The following KANSL1 variants were observed in gnomAD, a reference collection of about 807,000 sequenced individuals.
KANSL1 encodes KAT8 regulatory NSL complex subunit 1.
KANSL1 carries 22 observed loss-of-function variants against 103.6 expected under a neutral mutation model. The observed-to-expected ratio is 0.21, with a 90% CI of 0.15 to 0.30. KANSL1 has a LOEUF of 0.30. KANSL1 is among the 10% of genes least tolerant of loss of function. The probability of loss-of-function intolerance (pLI) is 1.00; values close to 1 mark genes in which losing one functional copy is unlikely to be tolerated. For missense variants in KANSL1, 1,337 were observed against 1,399.8 expected, an observed-to-expected ratio of 0.96 and a Z score of 0.72; for synonymous variants, 600 against 527.6, an observed-to-expected ratio of 1.14 and a Z score of -1.88.
chr17:46,181,792 C>T (rs1030466169), intron 1 of KANSL1, among the ~76,000 whole-genome samples: 2 of 152,182 alleles, frequency 1.3e-5, no homozygotes, highest in Non-Finnish European at 2.9e-5. Context: ...AGGGCAAGCA[C>T]ATCAATTGAT....
chr17:46,135,695 CTTTTTTT>C (rs35094789), intron 2 of KANSL1, among the ~76,000 whole-genome samples: 28 of 84,424 alleles, frequency 3.3e-4, no homozygotes, highest in South Asian at 7.3e-4. Context: ...CCATGCCTGG[CTTTTTTT>C]TTTTTTTTTT....
intron 4 of KANSL1, among the ~76,000 whole-genome samples, chr17:46,068,982 G>C (rs1380296551): frequency 6.6e-6 from 1 of 152,144 alleles, no homozygotes; most frequent in Non-Finnish European, 1.5e-5. Context: ...CTGGAGTGCA[G>C]TGGCATGATA....
At chr17:46,162,596 A>C (rs2045799103) in intron 2 of KANSL1, among the ~76,000 whole-genome samples, 2 of 152,326 alleles carry the variant, frequency 1.3e-5, no homozygotes, top group Admixed American at 1.3e-4. Context: ...AATCAGCCAC[A>C]AGCCCTCATC....
At chr17:46,208,334 G>T (rs2048040697) in intron 1 of KANSL1, among the ~76,000 whole-genome samples, 1 of 151,710 alleles carries the variant, frequency 6.6e-6, no homozygotes, top group African/African-American at 2.4e-5. Flanking sequence ...CCAAGGGGCT[G>T]GGCACAGTGG....
At chr17:46,215,251 T>C (rs1171040550) in intron 1 of KANSL1, 1 of 152,532 alleles carries the variant, frequency 6.6e-6, no homozygotes, top group Non-Finnish European at 1.5e-5. Context: ...ACTGCTTGTG[T>C]GAAGACCCAG....
chr17:46,051,272 ACT>A (rs796339719), intron 6 of KANSL1, among the ~76,000 whole-genome samples: 4 of 152,260 alleles, frequency 2.6e-5, no homozygotes, highest in African/African-American at 9.6e-5. Context: ...CTTATTAACT[ACT>A]CTTTAACCTG....
At chr17:46,133,825 A>G (rs1363223530) in intron 2 of KANSL1, among the ~76,000 whole-genome samples, 1 of 152,266 alleles carries the variant, frequency 6.6e-6, no homozygotes, top group Non-Finnish European at 1.5e-5. Flanking sequence ...AATATAAAAT[A>G]ACAGATTTTG....
intron 2 of KANSL1, among the ~76,000 whole-genome samples, chr17:46,114,037 T>G (rs1202018650): frequency 6.6e-6 from 1 of 152,162 alleles, no homozygotes; most frequent in Non-Finnish European, 1.5e-5. Flanking sequence ...CAAGTCAGAC[T>G]GTCAAACCGT....
At chr17:46,225,038 C>T (rs952002603), upstream of KANSL1, 4 of 151,588 alleles carry the variant, frequency 2.6e-5, no homozygotes, top group Non-Finnish European at 4.4e-5. Flanking sequence ...CGGCCCGCCC[C>T]CCGGGCAGCC....
upstream of KANSL1, chr17:46,224,951 T>G (rs946342031): frequency 2.9e-4 from 44 of 151,570 alleles, no homozygotes; most frequent in Admixed American, 1.6e-3. Context: ...CGGCTTCCCT[T>G]CCTCTCCGCG....
At chr17:46,101,754 C>CAAAAAAAAA (rs372439614) in intron 2 of KANSL1, among the ~76,000 whole-genome samples, 18 of 93,652 alleles carry the variant, frequency 1.9e-4, no homozygotes, top group East Asian at 4.6e-4. Context: ...ACTCTGTCTA[C>CAAAAAAAAA]AAAAAAAAAA....
intron 2 of KANSL1, among the ~76,000 whole-genome samples, chr17:46,147,940 A>G (rs2044822589): frequency 6.6e-6 from 1 of 152,248 alleles, no homozygotes; most frequent in African/African-American, 2.4e-5. Flanking sequence ...TAGGGTAGAA[A>G]TAACCTTGAC....
In KANSL1 at chr17:46,033,172, T is replaced by C. The variant is rs1352641232; in HGVS notation, c.2745A>G (p.Ala915=). Residue 915 remains alanine (A), a synonymous_variant, in exon 13 of 15, where the codon GCA becomes GCG. Coordinates refer to ENST00000432791, the MANE Select transcript of KANSL1 (RefSeq NM_015443.4). ...ENEEIEDLSD[A]AFAALHAKCE... is the part of the protein sequence containing the mutation. ...ATTTGGCATGCAGGGCGGCGAAGGC[T>C]GCGTCGGATAGGTCCTCAATCTGCA... The C allele has an allele frequency of 3.1e-6, 5 of 1,602,874 alleles. No individual in the cohort carries two copies. Among genetic ancestry groups the C allele is most frequent in the Non-Finnish European group, 3.4e-6 (4 of 1,174,036 alleles).
At chr17:46,040,125 T>TTTGG in intron 7 of KANSL1, 1 of 435,340 alleles carries the variant, frequency 2.3e-6, no homozygotes, top group Non-Finnish European at 4.0e-6. Context: ...ACCTTTTTGG[T>TTTGG]TTGGTTGATG....
intron 2 of KANSL1, among the ~76,000 whole-genome samples, chr17:46,107,975 A>G (rs1454027056): frequency 6.6e-6 from 1 of 152,164 alleles, no homozygotes; most frequent in Non-Finnish European, 1.5e-5. Context: ...TTGCCACTTC[A>G]TTGTTAGTAC....
chr17:46,063,076 C>T (rs2078240508), intron 6 of KANSL1, among the ~76,000 whole-genome samples: 1 of 152,104 alleles, frequency 6.6e-6, no homozygotes, highest in Admixed American at 6.6e-5. Flanking sequence ...AAAACAAAAC[C>T]TCAATGAGTT....
chr17:46,106,481 C>T (rs184612111), intron 2 of KANSL1, among the ~76,000 whole-genome samples: 2 of 152,304 alleles, frequency 1.3e-5, no homozygotes, highest in East Asian at 3.9e-4. Context: ...CAACCTCTGC[C>T]TCACGGGTTC....
At chr17:46,161,273 A>C (rs898761181) in intron 2 of KANSL1, among the ~76,000 whole-genome samples, 1 of 147,858 alleles carries the variant, frequency 6.8e-6, no homozygotes, top group Non-Finnish European at 1.5e-5. Context: ...AAAAAAAAAA[A>C]AAAATACAAA....
chr17:46,125,771 A>G lies in KANSL1; in HGVS notation c.1290-31070T>C, dbSNP rs981267439. ...ATTAGTGTGATTATGTTCACTAGTA[A>G]CAGATTCTACCATCATTGTTGTCCA... On this transcript the variant is annotated intron_variant, in intron 2 of 14. Coordinates refer to ENST00000432791, the MANE Select transcript of KANSL1 (RefSeq NM_015443.4). 6.6e-5 allele frequency among the ~76,000 whole-genome samples: 10 copies of G among 152,208 alleles called. No homozygotes were observed. In the South Asian group the frequency reaches 1.0e-3, roughly 16 times the overall value.
Sources: gnomAD v4.1 joint callset for allele counts (sites outside exome capture counted in the v4.1 genomes callset) on GRCh38, gnomAD v4.1.1 for gene constraint, MANE v1.5 for transcripts, NCBI Gene and HGNC (gene_info 2026-07-23, HGNC 2026-07-21) for gene names.